Variants in TMEFF2 observed in about 807,000 individuals in gnomAD.
TMEFF2 encodes the protein tomoregulin-2.
Under a neutral mutation model 53.8 loss-of-function variants are expected in TMEFF2, and 28 were observed. The ratio of observed to expected loss-of-function variants is 0.52; its 90% confidence interval spans 0.39 to 0.71. The LOEUF (loss-of-function observed/expected upper bound fraction) is 0.71. Ranked by LOEUF, TMEFF2 falls within the 30% of genes least tolerant of loss-of-function variation. The probability of loss-of-function intolerance (pLI) is 0.00; values close to 1 mark genes in which losing one functional copy is unlikely to be tolerated. For synonymous variants in TMEFF2, 162 were observed against 166.3 expected (o/e 0.97, Z 0.20); for missense variants, 353 against 455.2 (o/e 0.78, Z 2.04).
intron 5 of TMEFF2, among the ~76,000 whole-genome samples, chr2:192,013,210 T>C (rs1686671118): frequency 6.6e-6 from 1 of 152,150 alleles, no homozygotes; most frequent in African/African-American, 2.4e-5. Flanking sequence ...TGACTACCTA[T>C]GCCATTTTAT....
chr2:191,990,329 A>G (rs896769178), intron 7 of TMEFF2, among the ~76,000 whole-genome samples: 5 of 151,998 alleles, frequency 3.3e-5, no homozygotes, highest in African/African-American at 1.2e-4. Flanking sequence ...TGAGAACTGC[A>G]TTTTTAAAGC....
At chr2:191,963,822 T>TAATTATGTCTTA (rs1276273160) in intron 7 of TMEFF2, among the ~76,000 whole-genome samples, 8 of 152,240 alleles carry the variant, frequency 5.3e-5, no homozygotes, top group Admixed American at 5.2e-4. Flanking sequence ...AAGATGATAG[T>TAATTATGTCTTA]AATTATGTCT....
intron 7 of TMEFF2, among the ~76,000 whole-genome samples, chr2:191,984,378 GTGACTTCC>G (rs1204343938): frequency 6.6e-6 from 1 of 152,024 alleles, no homozygotes; most frequent in Non-Finnish European, 1.5e-5. Context: ...AACTACATTG[GTGACTTCC>G]TTACTTTCTG....
At chr2:191,952,727 A>G (rs1691924719) in intron 9 of TMEFF2, among the ~76,000 whole-genome samples, 2 of 152,214 alleles carry the variant, frequency 1.3e-5, no homozygotes, top group Admixed American at 6.5e-5. Context: ...GTGCAATACC[A>G]TACTGAAATG....
chr2:192,108,348 G>A (rs1428808546), intron 4 of TMEFF2, among the ~76,000 whole-genome samples: 1 of 151,824 alleles, frequency 6.6e-6, no homozygotes, highest in Non-Finnish European at 1.5e-5. Flanking sequence ...TAATCCACAT[G>A]TATGAAAGAC....
chr2:192,125,167 A>C (rs762353677), intron 4 of TMEFF2, among the ~76,000 whole-genome samples: 1 of 152,230 alleles, frequency 6.6e-6, no homozygotes, highest in African/African-American at 2.4e-5. Flanking sequence ...ATGGGAAGAC[A>C]TTTGGAATCC....
rs1030397446 is a variant in TMEFF2, at chr2:192,073,383, C to T, written c.440-15608G>A. Among the ~76,000 whole-genome samples, 10 of 151,832 alleles carry T rather than the reference C, an allele frequency of 6.6e-5. No individual in the cohort carries two copies. The East Asian group carries it at 1.8e-3, about 27-fold the overall frequency. The stretch of plus-strand genomic sequence containing the variant: ...CACTTGTGAAACCTGCTTTTAAAAA[C>T]ATATACTACACATCAGTTTTAGTGC... On this transcript the variant is annotated intron_variant, in intron 4 of 9. Transcript: ENST00000272771.
intron 4 of TMEFF2, among the ~76,000 whole-genome samples, chr2:192,153,076 A>G (rs1690426269): frequency 6.6e-6 from 1 of 151,362 alleles, no homozygotes; most frequent in Non-Finnish European, 1.5e-5. Flanking sequence ...CTATATTTAA[A>G]TATTTTAAAT....
At chr2:192,055,827 CA>C (rs930124339) in intron 5 of TMEFF2, among the ~76,000 whole-genome samples, 3 of 105,292 alleles carry the variant, frequency 2.8e-5, no homozygotes, top group Admixed American at 2.6e-4. Flanking sequence ...CAATAAAAAA[CA>C]AAAAACATAC....
Position 192,131,939 on chromosome 2 carries a change from G to A in TMEFF2, c.439+47729C>T, listed in dbSNP as rs982605419. Among the ~76,000 whole-genome samples the A allele has an allele frequency of 9.9e-5, 15 of 152,150 alleles. No homozygotes were observed. In the South Asian group the frequency reaches 1.2e-3, roughly 13 times the overall value. The stretch of plus-strand genomic sequence containing the variant: ...GGGCAAATGGTCTGAGGTGCCTGAC[G>A]TCCAGGCATTCTTTTACACATCAGT... On this transcript the variant is annotated intron_variant, in intron 4 of 9. Transcript: ENST00000272771.
At chr2:192,158,058 A>G (rs938527781) in intron 4 of TMEFF2, among the ~76,000 whole-genome samples, 3 of 152,122 alleles carry the variant, frequency 2.0e-5, no homozygotes, top group Admixed American at 2.0e-4. Context: ...CTGGCACAGT[A>G]TGAGTACCAT....
intron 4 of TMEFF2, among the ~76,000 whole-genome samples, chr2:192,168,629 T>C (rs1690829106): frequency 6.6e-6 from 1 of 152,134 alleles, no homozygotes; most frequent in Non-Finnish European, 1.5e-5. Context: ...GCTAGGCTCC[T>C]CCTGGCATGC....
intron 7 of TMEFF2, among the ~76,000 whole-genome samples, chr2:191,982,021 T>C (rs1395151255): frequency 6.6e-6 from 1 of 152,190 alleles, no homozygotes; most frequent in Admixed American, 6.6e-5. Flanking sequence ...AAATCACTGG[T>C]ACTTTTCTAG....
intron 4 of TMEFF2, among the ~76,000 whole-genome samples, chr2:192,061,624 G>C (rs7582747): frequency 0.29 from 44,406 of 151,938 alleles, 6,960 homozygotes; most frequent in Non-Finnish European, 0.37. Context: ...AGATCTTAAG[G>C]GTACCTGATA....
chr2:192,058,357 A>C (rs1176433813), intron 4 of TMEFF2, among the ~76,000 whole-genome samples: 1 of 152,160 alleles, frequency 6.6e-6, no homozygotes, highest in Non-Finnish European at 1.5e-5. Context: ...CATTTACTGA[A>C]TCTTACATAA....
At chr2:192,154,906 G>C (rs1270616000) in intron 4 of TMEFF2, among the ~76,000 whole-genome samples, 1 of 151,654 alleles carries the variant, frequency 6.6e-6, no homozygotes, top group Non-Finnish European at 1.5e-5. Flanking sequence ...CTGCATTTTG[G>C]GCAGAATAGG....
At chr2:191,972,534 T>G (rs1265417553) in intron 7 of TMEFF2, among the ~76,000 whole-genome samples, 1 of 151,668 alleles carries the variant, frequency 6.6e-6, no homozygotes, top group Non-Finnish European at 1.5e-5. Context: ...AATTGATCAT[T>G]AAGGGGACAC....
chr2:192,043,475 T>G (rs1039358489), intron 5 of TMEFF2, among the ~76,000 whole-genome samples: 2 of 152,194 alleles, frequency 1.3e-5, no homozygotes, highest in African/African-American at 4.8e-5. Flanking sequence ...AATCAGACCT[T>G]TCACGGACTA....
At chr2:192,078,520 G>A (rs1688483899) in intron 4 of TMEFF2, among the ~76,000 whole-genome samples, 1 of 152,124 alleles carries the variant, frequency 6.6e-6, no homozygotes, top group Non-Finnish European at 1.5e-5. Context: ...TTTACTGTGA[G>A]TGTTAGAGAT....
Sources: allele counts gnomAD v4.1 joint callset (sites outside exome capture counted in the v4.1 genomes callset), GRCh38; gene constraint gnomAD v4.1.1; transcripts MANE v1.5; gene names NCBI Gene and HGNC (gene_info 2026-07-23, HGNC 2026-07-21).